Variants in C2CD5 observed in about 807,000 individuals in gnomAD.
The protein encoded by C2CD5 is C2 domain-containing protein 5.
C2CD5 carries 109 observed loss-of-function variants against 130.3 expected under a neutral mutation model. The observed-to-expected ratio is 0.84, with a 90% CI of 0.72 to 0.98. C2CD5 has a LOEUF of 0.98. C2CD5 is among the 50% of genes least tolerant of loss of function. The probability of loss-of-function intolerance (pLI) is 0.00; values close to 1 mark genes in which losing one functional copy is unlikely to be tolerated. For synonymous variants in C2CD5, 454 were observed against 429.2 expected (o/e 1.06, Z -0.71); for missense variants, 996 against 1,261.8 (o/e 0.79, Z 3.19).
chr12:22,465,735 CAAT>C (rs1428351738), intron 22 of C2CD5, among the ~76,000 whole-genome samples: 1 of 151,842 alleles, frequency 6.6e-6, no homozygotes, highest in Non-Finnish European at 1.5e-5. Context: ...GTTTGGATAT[CAAT>C]GATGAGAAAA....
intron 8 of C2CD5, chr12:22,514,997 C>T: frequency 6.1e-6 from 6 of 985,296 alleles, no homozygotes; most frequent in Non-Finnish European, 7.2e-6. Flanking sequence ...GAAAGAAACA[C>T]TTTTCCTCAG....
At chr12:22,473,663 G>A (rs1223926541) in intron 16 of C2CD5, among the ~76,000 whole-genome samples, 1 of 152,060 alleles carries the variant, frequency 6.6e-6, no homozygotes, top group African/African-American at 2.4e-5. Flanking sequence ...TTCAGGTAAT[G>A]TTTGGCATCA....
intron 10 of C2CD5, among the ~76,000 whole-genome samples, chr12:22,500,353 C>T (rs960688877): frequency 5.3e-5 from 8 of 152,002 alleles, no homozygotes; most frequent in African/African-American, 1.9e-4. Flanking sequence ...TGAGTACTGG[C>T]TAGGACATTG....
chr12:22,471,485 G>A lies in C2CD5; in HGVS notation c.2272C>T (p.Leu758=). The A allele has an allele frequency of 6.5e-7, 1 of 1,546,426 alleles. No individual in the cohort carries two copies. The highest frequency in any genetic ancestry group is 8.8e-7 in the Non-Finnish European group (1 of 1,138,346). The change falls in exon 20 of 27, where the codon CTG becomes TTG. Residue 758 remains leucine (L), a synonymous_variant. Transcript: ENST00000446597. The part of the protein sequence containing the change: ...NDLCENLLKS[L]YFKLRSMIPC... ...ATCATAGATCGTAGTTTAAAGTACA[G>A]GCTCTACACAATAGAAAATATTAGT...
chr12:22,459,610 T>C (rs1223534997), intron 22 of C2CD5, 68 bp from the exon 23 acceptor site: 1 of 938,282 alleles, frequency 1.1e-6, no homozygotes, highest in African/African-American at 1.6e-5. Context: ...TCTTTGTTAT[T>C]TGTTAATACC....
intron 7 of C2CD5, among the ~76,000 whole-genome samples, chr12:22,518,876 CATTAT>C (rs1565778825): frequency 6.6e-6 from 1 of 152,146 alleles, no homozygotes; most frequent in Non-Finnish European, 1.5e-5. Context: ...TACAAAATAG[CATTAT>C]TTGAGGATCT....
At chr12:22,527,165 C>T (rs946176584) in intron 4 of C2CD5, among the ~76,000 whole-genome samples, 3 of 151,926 alleles carry the variant, frequency 2.0e-5, no homozygotes, top group African/African-American at 4.8e-5. Flanking sequence ...AGTATCAATA[C>T]TAGATCAGTT....
intron 10 of C2CD5, chr12:22,502,817 C>G (rs1947965788): frequency 6.7e-7 from 1 of 1,498,592 alleles, no homozygotes. Context: ...GAGTTCAAAA[C>G]AGCAAATTAG....
chr12:22,523,447 G>A lies in C2CD5; in HGVS notation c.779C>T (p.Ser260Phe), dbSNP rs1950443232. The A allele has an allele frequency of 6.2e-7, 1 of 1,613,468 alleles. No individual in the cohort carries two copies. Among genetic ancestry groups the A allele is most frequent in the South Asian group, 1.1e-5 (1 of 91,070 alleles). ...SPAAFLPACN[S>F]PSKEMKEIPF... ...TTACTCCTTCATTTCTTTGGATGGG[G>A]AATTACATGCAGGAAGGAATGCTGC... Residue 260 changes from serine (S) to phenylalanine (F), a missense_variant, in exon 7 of 27, where the codon TCC becomes TTC. Around this residue, in one of 9 missense-constraint regions of C2CD5, gnomAD observed 156 missense variants for 165.9 expected, o/e 0.94. Transcript: ENST00000446597.
At chr12:22,536,016 A>G (rs952807686) in intron 2 of C2CD5, among the ~76,000 whole-genome samples, 1 of 152,156 alleles carries the variant, frequency 6.6e-6, no homozygotes, top group African/African-American at 2.4e-5. Context: ...TCAATATGGA[A>G]CTAATTAAAT....
Position 22,544,366 on chromosome 12 carries a change from T to G in C2CD5, c.-76A>C. 2.3e-6 allele frequency: 1 copy of G among 441,922 alleles called. No individual in the cohort carries two copies. The highest frequency in any genetic ancestry group is 4.1e-5 in the East Asian group (1 of 24,170). 27.4% of individuals were successfully genotyped at this position (441,922 alleles called of 1,614,324 possible). A position where few individuals can be genotyped will look rare whatever the true frequency, so the allele number is the denominator to read the frequency against. On this transcript the variant is annotated 5_prime_UTR_variant, in exon 1 of 27. It removes an upstream start codon present in the reference 5' UTR. Transcript: ENST00000446597. ...GTCCCGCGCGGGTGCTGAGACCTCA[T>G]TCCGGAGAGGCGGCGGGAGGAAGGG...
rs1489060673 is a variant in C2CD5 at position 22,469,718 on chromosome 12, G to T, written c.2524C>A (p.Pro842Thr). The T allele has an allele frequency of 6.3e-7, 1 of 1,597,628 alleles. No homozygotes were observed. Among genetic ancestry groups the T allele is most frequent in the Non-Finnish European group, 8.5e-7 (1 of 1,171,414 alleles). The change falls in exon 22 of 27, where the codon CCA (proline) becomes ACA (threonine). Residue 842 changes from proline (P) to threonine (T), a missense_variant. Coordinates refer to ENST00000446597, the MANE Select transcript of C2CD5 (RefSeq NM_001286176.2). The stretch of plus-strand genomic sequence containing the variant: ...CCCTCACTTAACCAACCTTTAGCTG[G>T]TGGAAAAGGATGAGAAGGAAGTGAA... ...SDSLPSHPFP[P>T]AKEHLESASS...
intron 12 of C2CD5, 47 bp from the exon 13 acceptor site, chr12:22,484,935 A>AT: frequency 1.0e-6 from 1 of 955,406 alleles, no homozygotes; most frequent in Non-Finnish European, 1.5e-6. Flanking sequence ...AAATGTACCA[A>AT]TTTTTTCAAA....
In C2CD5 at chr12:22,527,703, TTTC is replaced by T. The variant is rs1438344793; in HGVS notation, c.349+15_349+17del. 2 of 1,337,926 alleles carry T rather than the reference TTTC, an allele frequency of 1.5e-6. No individual in the cohort carries two copies. The highest frequency in any genetic ancestry group is 2.1e-6 in the Non-Finnish European group (2 of 965,252). 82.9% of individuals were successfully genotyped at this position (1,337,926 alleles called of 1,614,324 possible). On this transcript the variant is annotated intron_variant, in intron 4 of 26. Transcript: ENST00000446597. ...AGATTAAGATTGTTATTTATAATAC[TTTC>T]TTATTATTCCTTACCATGTATGGTG... is the stretch of plus-strand genomic sequence containing the variant.
At chr12:22,471,157 C>T (rs1383338727) in intron 20 of C2CD5, among the ~76,000 whole-genome samples, 1 of 151,966 alleles carries the variant, frequency 6.6e-6, no homozygotes, top group Non-Finnish European at 1.5e-5. Flanking sequence ...CTGGTGAAAT[C>T]CCACATGATG....
Position 22,459,473 on chromosome 12 carries a change from C to T in C2CD5, c.2584+19G>A. The T allele has an allele frequency of 6.7e-7, 1 of 1,500,744 alleles. No individual in the cohort carries two copies. Among genetic ancestry groups the T allele is most frequent in the South Asian group, 1.2e-5 (1 of 83,310 alleles). 93.0% of individuals were successfully genotyped at this position (1,500,744 alleles called of 1,614,324 possible). On this transcript the variant is annotated intron_variant, in intron 23 of 26. Coordinates refer to ENST00000446597, the MANE Select transcript of C2CD5 (RefSeq NM_001286176.2). Reference sequence around the variant, plus strand: ...ATTTTACACCTTTGGTGACTATTTGCTTAATTAGACAAACTCACCTCTCTG... The same window carrying T: ...ATTTTACACCTTTGGTGACTATTTGTTTAATTAGACAAACTCACCTCTCTG...
At chr12:22,469,274 T>C (rs1480354347) in intron 22 of C2CD5, among the ~76,000 whole-genome samples, 1 of 151,972 alleles carries the variant, frequency 6.6e-6, no homozygotes, top group African/African-American at 2.4e-5. Flanking sequence ...CTTGTACTAC[T>C]CCCACTCAAA....
In C2CD5 at chr12:22,490,209, G is replaced by C; in HGVS notation, c.1272C>G (p.Val424=). The C allele has an allele frequency of 6.2e-7, 1 of 1,611,546 alleles. No individual in the cohort carries two copies. Among genetic ancestry groups the C allele is most frequent in the Non-Finnish European group, 8.5e-7 (1 of 1,177,868 alleles). ...CTGTGCCAGATGCAGATAAAATGCAGACCTCTTCACTATAAAGGAAAAAAC... is the reference window on the plus strand; with the variant it reads ...CTGTGCCAGATGCAGATAAAATGCACACCTCTTCACTATAAAGGAAAAAAC... ...YSESTSICEE[V]CILSASGTAA... is the part of the protein sequence containing the mutation. Residue 424 remains valine, a synonymous_variant, in exon 12 of 27, where the codon GTC becomes GTG. Transcript: ENST00000446597.
chr12:22,527,578 A>G (rs1251138388), intron 4 of C2CD5, 143 bp downstream of exon 4: 9 of 461,066 alleles, frequency 2.0e-5, no homozygotes, highest in Admixed American at 8.2e-5. Context: ...TCAGCCTCCC[A>G]AAGTGCTGGG....
Sources: gnomAD v4.1 joint callset for allele counts (sites outside exome capture counted in the v4.1 genomes callset) on GRCh38, gnomAD v4.1.1 for gene constraint, gnomAD v4.1.1 regional missense constraint, MANE v1.5 for transcripts, NCBI Gene and HGNC (gene_info 2026-07-23, HGNC 2026-07-21) for gene names.